DECR2: variants seen among roughly 807,000 people sequenced by gnomAD.
DECR2 encodes peroxisomal 2,4-dienoyl-CoA reductase [(3E)-enoyl-CoA-producing].
Under a neutral mutation model 29.2 loss-of-function variants are expected in DECR2, and 34 were observed. That is an observed-to-expected ratio of 1.16 (90% CI 0.89 to 1.55). DECR2 has a LOEUF of 1.55. DECR2 is among the 40% of genes most tolerant of loss of function. The pLI is 0.00. For synonymous variants in DECR2, 224 were observed against 182.7 expected (o/e 1.23, Z -1.82); for missense variants, 485 against 425.3 (o/e 1.14, Z -1.23).
chr16:410,809 G>T lies in DECR2; in HGVS notation c.556+25G>T, dbSNP rs1395105428. ...GGTATGACCACCCCCCCCCGCCCAG[G>T]TTTGCCCACGTGGGTCCCCAATGGG... On this transcript the variant is annotated intron_variant, in intron 6 of 8. Coordinates refer to ENST00000219481, the MANE Select transcript of DECR2 (RefSeq NM_020664.4). This position sits in a 1 kb window ranked among gnomAD's most constrained non-coding sequence, Gnocchi z 4.1. The T allele has an allele frequency of 3.2e-6, 5 of 1,555,338 alleles. No individual in the cohort carries two copies. The African/African-American group carries it at 4.1e-5, about 13-fold the overall frequency.
Position 406,355 on chromosome 16 carries a change from C to T in DECR2, c.159C>T (p.Cys53=). ...RIAEIFMRHG[C]HTVIASRSLP... is the part of the protein sequence containing the mutation. ...GCTTCTGGTTTTGCAGGCACGGCTG[C>T]CATACGGTGATTGCCAGTAGGAGCC... Residue 53 remains cysteine (C), a synonymous_variant, in exon 3 of 9, where the codon TGC becomes TGT. Coordinates refer to ENST00000219481, the MANE Select transcript of DECR2 (RefSeq NM_020664.4). 6.2e-7 allele frequency: 1 copy of T among 1,607,318 alleles called. No homozygotes were observed. Among genetic ancestry groups the T allele is most frequent in the Non-Finnish European group, 8.5e-7 (1 of 1,179,916 alleles).
chr16:407,666 C>A, intron 4 of DECR2, 106 bp downstream of exon 4: 1 of 1,526,612 alleles, frequency 6.6e-7, no homozygotes, highest in South Asian at 1.3e-5. Flanking sequence ...GGGAACCTAG[C>A]TGCCTGTGCT....
At position 401,927 on chromosome 16, in the gene DECR2, C is replaced by T; in HGVS notation, c.-37C>T. 1.4e-6 allele frequency: 2 copies of T among 1,471,712 alleles called. No individual in the cohort carries two copies. Among genetic ancestry groups the T allele is most frequent in the Middle Eastern group, 4.5e-4 (2 of 4,410 alleles). The allele number at this position is 1,471,712 out of a possible 1,614,324, so 91.2% of individuals were successfully genotyped here. A position where few individuals can be genotyped will look rare whatever the true frequency, so the allele number is the denominator to read the frequency against. ...CCGGGTCCTGGAGGCCGAGGCCGCT[C>T]CCGCCCGTTGTCCCCGCAGTCCCCG... is the stretch of plus-strand genomic sequence containing the variant. On this transcript the variant is annotated 5_prime_UTR_variant, in exon 1 of 9. Transcript: ENST00000219481.
intron 1 of DECR2, among the ~76,000 whole-genome samples, chr16:403,880 A>G (rs2054694757): frequency 6.6e-6 from 1 of 152,122 alleles, no homozygotes; most frequent in Non-Finnish European, 1.5e-5. Context: ...CCTGTCTCAA[A>G]ATAAATAAAT....
Position 410,876 on chromosome 16 carries a change from A to C in DECR2, c.556+92A>C, listed in dbSNP as rs1597207465. 6.6e-7 allele frequency: 1 copy of C among 1,525,878 alleles called. No homozygotes were observed. Among genetic ancestry groups the C allele is most frequent in the East Asian group, 2.4e-5 (1 of 40,852 alleles). The allele number at this position is 1,525,878 out of a possible 1,614,324, so 94.5% of individuals were successfully genotyped here. A position where few individuals can be genotyped will look rare whatever the true frequency, so the allele number is the denominator to read the frequency against. ...CAGGAGGCCAGCAGTCTCCACTTGAAGCTGAGCCCAGCTGCAGGCAGCGAG... is the reference window on the plus strand; with the variant it reads ...CAGGAGGCCAGCAGTCTCCACTTGACGCTGAGCCCAGCTGCAGGCAGCGAG... On this transcript the variant is annotated intron_variant, in intron 6 of 8. Transcript: ENST00000219481. The surrounding 1 kb of genome is among the most constrained non-coding windows in gnomAD (Gnocchi z 4.1).
At position 410,582 on chromosome 16, in the gene DECR2, C is replaced by T. The variant is rs1380464047; in HGVS notation, c.463-109C>T. On this transcript the variant is annotated intron_variant, in intron 5 of 8. Transcript: ENST00000219481. The surrounding 1 kb of genome is among the most constrained non-coding windows in gnomAD (Gnocchi z 4.1). ...CTCCCTGCCCTGGGCCTCCCCCTGA[C>T]GGCCGCCCGCTCCCTGCCCCGGGCC... 1.8e-5 allele frequency: 25 copies of T among 1,395,696 alleles called. No homozygotes were observed. The highest frequency in any genetic ancestry group is 1.8e-4 in the Admixed American group (9 of 51,206). The allele number at this position is 1,395,696 out of a possible 1,614,324, so 86.5% of individuals were successfully genotyped here.
At position 410,407 on chromosome 16, in the gene DECR2, G is replaced by A. The variant is rs201367889; in HGVS notation, c.462+40G>A. Reference sequence around the variant, plus strand: ...CGCTCTGTGAGAAGTTCTTCCGGGTGGGTGCCTCGTGCGCTCTGTGAGAAG... The same window carrying A: ...CGCTCTGTGAGAAGTTCTTCCGGGTAGGTGCCTCGTGCGCTCTGTGAGAAG... On this transcript the variant is annotated intron_variant, in intron 5 of 8. Transcript: ENST00000219481. The surrounding 1 kb of genome is among the most constrained non-coding windows in gnomAD (Gnocchi z 4.1). 3,478 of 1,591,518 alleles carry A rather than the reference G, an allele frequency of 2.2e-3. 7 individuals carry two copies. Among genetic ancestry groups the A allele is most frequent in the Non-Finnish European group, 2.8e-3 (3,263 of 1,165,414 alleles).
chr16:406,580 C>T (rs987152139), intron 3 of DECR2, 183 bp downstream of exon 3: 11 of 655,878 alleles, frequency 1.7e-5, no homozygotes, highest in Non-Finnish European at 1.1e-5. Context: ...TCACTGCAGC[C>T]TCCACCTCCC....
chr16:406,345 G>T lies in DECR2; in HGVS notation c.150-1G>T. 1.2e-6 allele frequency: 2 copies of T among 1,606,934 alleles called. No individual in the cohort carries two copies. On this transcript the variant is annotated splice_acceptor_variant, in intron 2 of 8. Transcript: ENST00000219481. LOFTEE classifies it high-confidence loss of function. ...CCTCACACCTGCTTCTGGTTTTGCA[G>T]GCACGGCTGCCATACGGTGATTGCC...
At chr16:405,425 A>T (rs1309706323) in intron 2 of DECR2, 1 of 869,378 alleles carries the variant, frequency 1.2e-6, no homozygotes, top group Non-Finnish European at 1.6e-6. Context: ...ACCCTTCCTC[A>T]GTTCCCCTGA....
chr16:404,956 G>A lies in DECR2; in HGVS notation c.81G>A (p.Arg27=), dbSNP rs1242415315. Residue 27 remains arginine (R), a splice_region_variant and synonymous_variant, in exon 2 of 9, where the codon CGG becomes CGA. Transcript: ENST00000219481. ...AAAGAGCCTCCTTTTTTATTCTCAGGGACAAAGTGGCCTTCATCACAGGAG... is the reference window on the plus strand; with the variant it reads ...AAAGAGCCTCCTTTTTTATTCTCAGAGACAAAGTGGCCTTCATCACAGGAG... ...YRHLFCPDLL[R]DKVAFITGGG... 1.9e-6 allele frequency: 3 copies of A among 1,613,872 alleles called. No individual in the cohort carries two copies. The highest frequency in any genetic ancestry group is 3.3e-5 in the Admixed American group (2 of 59,966).
chr16:411,187 T>C (rs1597207904), intron 7 of DECR2, 111 bp downstream of exon 7: 1 of 1,241,510 alleles, frequency 8.1e-7, no homozygotes, highest in East Asian at 2.5e-5. Context: ...CCTGTGCTGG[T>C]TCCATGGTGG....
chr16:404,906 G>A (rs371936763), intron 1 of DECR2, 50 bp from the exon 2 acceptor site: 192 of 1,604,830 alleles, frequency 1.2e-4, no homozygotes, highest in Admixed American at 1.8e-4. Flanking sequence ...GGGAGCCACC[G>A]GCCCGGCCCA....
chr16:406,395 A>AC lies in DECR2; in HGVS notation c.200dup (p.Ala68GlyfsTer45). 1 of 1,607,822 alleles carries AC rather than the reference A, an allele frequency of 6.2e-7. No individual in the cohort carries two copies. Among genetic ancestry groups the AC allele is most frequent in the Admixed American group, 1.7e-5 (1 of 59,990 alleles). On this transcript the variant is annotated frameshift_variant and splice_region_variant, in exon 3 of 9. Coordinates refer to ENST00000219481, the MANE Select transcript of DECR2 (RefSeq NM_020664.4). LOFTEE classifies it high-confidence loss of function. ...CAGTAGGAGCCTGCCGCGAGTGCTG[A>AC]CGGTGAGAGGGCCTCTCCCATGGTC...
chr16:402,241 C>T (rs1295517573), intron 1 of DECR2, among the ~76,000 whole-genome samples, 198 bp downstream of exon 1: 1 of 151,490 alleles, frequency 6.6e-6, no homozygotes, highest in Non-Finnish European at 1.5e-5. Flanking sequence ...GTGGCACGAT[C>T]TCCGCTCACT....
chr16:405,678 G>C (rs1371364928), intron 2 of DECR2: 5 of 1,157,038 alleles, frequency 4.3e-6, no homozygotes, highest in Non-Finnish European at 5.8e-6. Flanking sequence ...GATTTTACCA[G>C]GGAATTTGTG....
In DECR2 at chr16:402,058, G is replaced by T; in HGVS notation, c.80+15G>T. ...GACCTGCTGCGGTGAGCGGGGCCTG[G>T]GAAGCGAGCGCAGCCTTGGTGCGGG... On this transcript the variant is annotated intron_variant, in intron 1 of 8. Coordinates refer to ENST00000219481, the MANE Select transcript of DECR2 (RefSeq NM_020664.4). 7.3e-7 allele frequency: 1 copy of T among 1,367,340 alleles called. No homozygotes were observed. Among genetic ancestry groups the T allele is most frequent in the Non-Finnish European group, 9.5e-7 (1 of 1,056,314 alleles). The allele number at this position is 1,367,340 out of a possible 1,614,324, so 84.7% of individuals were successfully genotyped here.
intron 3 of DECR2, 52 bp downstream of exon 3, chr16:406,449 G>A (rs1452909586): frequency 2.5e-6 from 4 of 1,591,480 alleles, no homozygotes; most frequent in Non-Finnish European, 3.4e-6. Context: ...GGGGGGGCTG[G>A]GGCTGGGCCT....
At chr16:409,136 G>C (rs2054779307) in intron 4 of DECR2, among the ~76,000 whole-genome samples, 2 of 140,812 alleles carry the variant, frequency 1.4e-5, no homozygotes, top group South Asian at 4.6e-4. Context: ...CTGGCCCCCA[G>C]CTTTTATTTT....
Sources: allele counts gnomAD v4.1 joint callset (sites outside exome capture counted in the v4.1 genomes callset), GRCh38; gene constraint gnomAD v4.1.1; non-coding constraint Gnocchi (gnomAD v3.1); transcripts MANE v1.5; gene names NCBI Gene and HGNC (gene_info 2026-07-23, HGNC 2026-07-21).